DRC1: variants seen among roughly 807,000 people sequenced by gnomAD.
DRC1 encodes the protein dynein regulatory complex subunit 1, also known as dynein regulatory complex protein 1.
In DRC1, 74 loss-of-function variants were observed where a neutral mutation model predicts 98.7. That is an observed-to-expected ratio of 0.75 (90% CI 0.62 to 0.91). The LOEUF (loss-of-function observed/expected upper bound fraction) is 0.91, where lower values mean the gene tolerates loss of function less well. Among genes scored for constraint, DRC1 ranks in the 40% least tolerant of loss-of-function variants. The probability of loss-of-function intolerance (pLI) is 0.00; values close to 1 mark genes in which losing one functional copy is unlikely to be tolerated. For missense variants in DRC1, 875 were observed against 886.0 expected (o/e 0.99, Z 0.16); for synonymous variants, 336 against 334.1 (o/e 1.01, Z -0.06).
intron 3 of DRC1, among the ~76,000 whole-genome samples, chr2:26,423,620 G>T (rs575096075): frequency 6.6e-6 from 1 of 152,292 alleles, no homozygotes; most frequent in Non-Finnish European, 1.5e-5. Context: ...TTCCATATTT[G>T]TACATTCCAC....
intron 13 of DRC1, among the ~76,000 whole-genome samples, chr2:26,452,972 G>A (rs1453598902): frequency 6.6e-6 from 1 of 152,210 alleles, no homozygotes; most frequent in African/African-American, 2.4e-5. Flanking sequence ...CAAAATAGGA[G>A]TAGGAGGAAG....
chr2:26,456,359 C>A, intron 16 of DRC1, 102 bp from the exon 17 acceptor site: 1 of 1,430,162 alleles, frequency 7.0e-7, no homozygotes, highest in Non-Finnish European at 9.8e-7. Flanking sequence ...GAGATGCGTG[C>A]AGGGCTTTGG....
chr2:26,416,439 C>A (rs977810776), intron 2 of DRC1, among the ~76,000 whole-genome samples: 1 of 152,110 alleles, frequency 6.6e-6, no homozygotes, highest in Non-Finnish European at 1.5e-5. Context: ...CGTGCCCGGC[C>A]TTACCATGTT....
At chr2:26,409,194 G>A (rs933989359) in intron 1 of DRC1, among the ~76,000 whole-genome samples, 1 of 151,910 alleles carries the variant, frequency 6.6e-6, no homozygotes, top group South Asian at 2.1e-4. Flanking sequence ...GCCTCCCATA[G>A]TGCTGGGATT....
intron 4 of DRC1, 142 bp downstream of exon 4, chr2:26,424,596 C>CT (rs1214889634): frequency 1.1e-6 from 1 of 877,592 alleles, no homozygotes; most frequent in Non-Finnish European, 1.7e-6. Context: ...ATGTTATAAA[C>CT]TTTTTTCCAT....
At chr2:26,452,172 T>C (rs1173107889) in intron 13 of DRC1, among the ~76,000 whole-genome samples, 16 of 152,032 alleles carry the variant, frequency 1.1e-4, no homozygotes, top group Non-Finnish European at 2.4e-4. Flanking sequence ...CACTCATAAG[T>C]TACTGGTAGG....
chr2:26,435,482 C>T (rs894891669), intron 7 of DRC1, among the ~76,000 whole-genome samples: 4 of 151,912 alleles, frequency 2.6e-5, no homozygotes, highest in Non-Finnish European at 4.4e-5. Flanking sequence ...GTAAACTGCA[C>T]GTCATAGGGG....
At chr2:26,431,846 T>G in intron 6 of DRC1, 38 bp from the exon 7 acceptor site, 2 of 1,611,318 alleles carry the variant, frequency 1.2e-6, no homozygotes, top group Non-Finnish European at 1.7e-6. Flanking sequence ...GGGGCAAGGA[T>G]GGTCCCTAAC....
chr2:26,411,766 C>G (rs79318352), intron 1 of DRC1, among the ~76,000 whole-genome samples: 13,644 of 151,176 alleles, frequency 0.09, 1,208 homozygotes, highest in African/African-American at 0.23. Flanking sequence ...CACTGCACTG[C>G]AGCCTGGGGA....
chr2:26,426,920 A>G (rs1235821002), intron 4 of DRC1, among the ~76,000 whole-genome samples: 1 of 152,126 alleles, frequency 6.6e-6, no homozygotes. Flanking sequence ...CCATTTGTTT[A>G]TATCTTCTCT....
At chr2:26,434,070 A>G (rs1468183387) in intron 7 of DRC1, among the ~76,000 whole-genome samples, 3 of 152,380 alleles carry the variant, frequency 2.0e-5, no homozygotes, top group South Asian at 4.1e-4. Flanking sequence ...TTAAGAAGAT[A>G]TAACATGCAG....
chr2:26,407,974 G>A (rs1678478891), intron 1 of DRC1, among the ~76,000 whole-genome samples: 2 of 152,132 alleles, frequency 1.3e-5, no homozygotes, highest in African/African-American at 4.8e-5. Context: ...TAGAATATGC[G>A]TTTCCTACCT....
intron 7 of DRC1, among the ~76,000 whole-genome samples, chr2:26,434,968 T>C (rs1273532099): frequency 6.6e-6 from 1 of 151,610 alleles, no homozygotes; most frequent in Non-Finnish European, 1.5e-5. Flanking sequence ...GGAGCAACAG[T>C]GTGGCCTGAG....
In DRC1 at chr2:26,439,922, A is replaced by AATATATATATATATATAT. The variant is rs60317791; in HGVS notation, c.889-441_889-440insTATATATATATATATATA. 1.4e-3 allele frequency among the ~76,000 whole-genome samples: 60 copies of AATATATATATATATATAT among 43,446 alleles called. 7 individuals are homozygous for AATATATATATATATATAT. The highest frequency in any genetic ancestry group is 1.8e-3 in the Admixed American group (11 of 6,054). The allele number at this position is 43,446 out of a possible 152,430, so 28.5% of individuals were successfully genotyped here. ...ACAAGCTAGGGCCAACTAGTGTGTG[A>AATATATATATATATATAT]ATATATATATATATACACACACACA... On this transcript the variant is annotated intron_variant, in intron 7 of 16. Transcript: ENST00000288710.
intron 2 of DRC1, among the ~76,000 whole-genome samples, chr2:26,416,302 G>A (rs750388377): frequency 2.6e-5 from 4 of 152,016 alleles, no homozygotes; most frequent in Admixed American, 6.6e-5. Flanking sequence ...AGGCTGGAGT[G>A]CAGTGGTGCA....
At chr2:26,434,902 A>AAG (rs1553342123) in intron 7 of DRC1, among the ~76,000 whole-genome samples, 1 of 151,750 alleles carries the variant, frequency 6.6e-6, no homozygotes, top group African/African-American at 2.4e-5. Flanking sequence ...AAAAAAAAAA[A>AAG]AAAGAAAGAA....
At chr2:26,426,696 G>A (rs555479568) in intron 4 of DRC1, among the ~76,000 whole-genome samples, 5 of 152,098 alleles carry the variant, frequency 3.3e-5, no homozygotes, top group African/African-American at 7.2e-5. Context: ...AGGAAATGTG[G>A]GGCCTCCAAC....
In DRC1 at chr2:26,423,614, A is replaced by G. The variant is rs114865607; in HGVS notation, c.357-657A>G. Reference sequence around the variant, plus strand: ...TCCATCACTCATTGGTGGAGTTTCCATATTTGTACATTCCACTAGTCATTT... The same window carrying G: ...TCCATCACTCATTGGTGGAGTTTCCGTATTTGTACATTCCACTAGTCATTT... On this transcript the variant is annotated intron_variant, in intron 3 of 16. Transcript: ENST00000288710. Among the ~76,000 whole-genome samples, 1,451 of 152,300 alleles carry G rather than the reference A, an allele frequency of 9.5e-3. 23 individuals are homozygous for G. Among genetic ancestry groups the G allele is most frequent in the African/African-American group, 0.033 (1,384 of 41,556 alleles).
chr2:26,419,874 A>G (rs1663079938), intron 2 of DRC1, among the ~76,000 whole-genome samples: 1 of 152,218 alleles, frequency 6.6e-6, no homozygotes, highest in East Asian at 1.9e-4. Flanking sequence ...GATGGCACCA[A>G]TTACAAAATC....
Sources: allele counts gnomAD v4.1 joint callset (sites outside exome capture counted in the v4.1 genomes callset), GRCh38; gene constraint gnomAD v4.1.1; transcripts MANE v1.5; gene names NCBI Gene and HGNC (gene_info 2026-07-23, HGNC 2026-07-21).